The following FPGS variants were observed in gnomAD, a reference collection of about 807,000 sequenced individuals.
The protein encoded by FPGS is folylpolyglutamate synthase, also known as folylpolyglutamate synthase, mitochondrial.
FPGS carries 53 observed loss-of-function variants against 66.5 expected under a neutral mutation model. The observed-to-expected ratio is 0.80, with a 90% CI of 0.64 to 1.00. The LOEUF (loss-of-function observed/expected upper bound fraction) is 1.00. Among genes scored for constraint, FPGS ranks in the 50% least tolerant of loss-of-function variants. FPGS has a pLI of 0.00. For synonymous variants in FPGS, 348 were observed against 350.9 expected (o/e 0.99, Z 0.09); for missense variants, 702 against 807.7 (o/e 0.87, Z 1.59).
chr9:127,814,369 G>A (rs562404061), downstream of FPGS: 153 of 168,008 alleles, frequency 9.1e-4, no homozygotes, highest in Non-Finnish European at 1.5e-3. Context: ...CATGGAGGCC[G>A]GGCACGGTGG....
Position 127,807,247 on chromosome 9 carries a change from C to T in FPGS, c.540C>T (p.Phe180=). 1 of 1,614,176 alleles carries T rather than the reference C, an allele frequency of 6.2e-7. No individual in the cohort carries two copies. Among genetic ancestry groups the T allele is most frequent in the Non-Finnish European group, 8.5e-7 (1 of 1,180,024 alleles). Residue 180 remains phenylalanine (F), a synonymous_variant, in exon 6 of 15, where the codon TTC becomes TTT. Coordinates refer to ENST00000373247, the MANE Select transcript of FPGS (RefSeq NM_004957.6). This position sits in a 1 kb window ranked among gnomAD's most constrained non-coding sequence, Gnocchi z 5.8. ...TCTCCATGCCCCCCTACTTCCGCTTCCTGACACTCATGGCCTTCCACGTCT... is the reference window on the plus strand; with the variant it reads ...TCTCCATGCCCCCCTACTTCCGCTTTCTGACACTCATGGCCTTCCACGTCT... ...SCVSMPPYFR[F]LTLMAFHVFL...
intron 13 of FPGS, among the ~76,000 whole-genome samples, 189 bp from the exon 14 acceptor site, chr9:127,810,756 C>T (rs1047453998): frequency 6.6e-6 from 1 of 152,134 alleles, no homozygotes; most frequent in Non-Finnish European, 1.5e-5. Flanking sequence ...CTGCTCAGGC[C>T]ACAGGCCAGG....
Position 127,810,807 on chromosome 9 carries a change from C to T in FPGS, c.1288-138C>T, listed in dbSNP as rs566742551. ...CAGATGGGGGCAGGGTGCTGAAGTA[C>T]CTTGGCTAGGTTTATACAGCATCAT... On this transcript the variant is annotated intron_variant, in intron 13 of 14. Coordinates refer to ENST00000373247, the MANE Select transcript of FPGS (RefSeq NM_004957.6). 405 of 547,432 alleles carry T rather than the reference C, an allele frequency of 7.4e-4. 6 individuals are homozygous for T. Among genetic ancestry groups the T allele is most frequent in the South Asian group, 5.6e-3 (231 of 40,896 alleles). The allele number at this position is 547,432 out of a possible 1,614,324, so 33.9% of individuals were successfully genotyped here.
intron 1 of FPGS, 178 bp downstream of exon 1, chr9:127,803,240 C>G (rs1588548411): frequency 1.6e-6 from 2 of 1,246,014 alleles, no homozygotes; most frequent in Non-Finnish European, 2.0e-6. Context: ...GAAGTTGGGC[C>G]CGGGCCGCCG....
Position 127,804,665 on chromosome 9 carries a change from C to T in FPGS, c.351C>T (p.Ile117=). Reference sequence around the variant, plus strand: ...CCACCTGTGCCTTCACGGAATGTATCCTCCGAAGCTATGGCCTGAAGACGG... The same window carrying T: ...CCACCTGTGCCTTCACGGAATGTATTCTCCGAAGCTATGGCCTGAAGACGG... ...KGSTCAFTEC[I]LRSYGLKTGF... The change falls in exon 4 of 15, where the codon ATC becomes ATT. Residue 117 remains isoleucine (I), a synonymous_variant. Coordinates refer to ENST00000373247, the MANE Select transcript of FPGS (RefSeq NM_004957.6). 4 of 1,614,042 alleles carry T rather than the reference C, an allele frequency of 2.5e-6. No homozygotes were observed. Among genetic ancestry groups the T allele is most frequent in the Non-Finnish European group, 1.7e-6 (2 of 1,180,002 alleles).
In FPGS at chr9:127,807,896, C is replaced by T. The variant is rs146228124; in HGVS notation, c.744+208C>T. ...CGAGGTGAGAGGATCACCTGAGATC[C>T]GGAGTTTGAGACCAGCCTGACCAAT... On this transcript the variant is annotated intron_variant, in intron 8 of 14. Coordinates refer to ENST00000373247, the MANE Select transcript of FPGS (RefSeq NM_004957.6). This position sits in a 1 kb window ranked among gnomAD's most constrained non-coding sequence, Gnocchi z 5.8. The T allele has an allele frequency of 2.4e-3, 1,382 of 572,410 alleles. 30 individuals carry two copies. In the East Asian group the frequency reaches 0.038, roughly 16 times the overall value. The allele number at this position is 572,410 out of a possible 1,614,324, so 35.5% of individuals were successfully genotyped here.
intron 11 of FPGS, 61 bp downstream of exon 11, chr9:127,808,950 T>C: frequency 1.8e-6 from 2 of 1,139,322 alleles, no homozygotes; most frequent in Non-Finnish European, 2.4e-6. Flanking sequence ...CTTCAGATTT[T>C]TTTTTTTTTT....
intron 4 of FPGS, chr9:127,806,599 C>T: frequency 4.2e-6 from 1 of 235,830 alleles, no homozygotes. Context: ...CCCAGGGCTG[C>T]AGCTTGAACA....
rs1358972555 is a variant in FPGS, at chr9:127,802,993, G to T, written c.69G>T (p.Thr23=). The T allele has an allele frequency of 6.8e-7, 1 of 1,465,078 alleles. No individual in the cohort carries two copies. Among genetic ancestry groups the T allele is most frequent in the Non-Finnish European group, 8.9e-7 (1 of 1,117,380 alleles). The allele number at this position is 1,465,078 out of a possible 1,614,324, so 90.8% of individuals were successfully genotyped here. Residue 23 remains threonine (T), a synonymous_variant, in exon 1 of 15, where the codon ACG becomes ACT. Coordinates refer to ENST00000373247, the MANE Select transcript of FPGS (RefSeq NM_004957.6). ...FLAAASARGI[T]TQVAARRGLS... ...CAGCGGCGTCTGCGCGCGGCATAACGACCCAGGTCGCGGCGCGGCGGGGCT... is the reference window on the plus strand; with the variant it reads ...CAGCGGCGTCTGCGCGCGGCATAACTACCCAGGTCGCGGCGCGGCGGGGCT...
At chr9:127,803,634 A>T (rs773064919) in intron 1 of FPGS, among the ~76,000 whole-genome samples, 2 of 152,080 alleles carry the variant, frequency 1.3e-5, no homozygotes, top group Non-Finnish European at 2.9e-5. Context: ...GGCGGGTGGC[A>T]CTGGTTTGAT....
At chr9:127,809,003 G>A (rs1249218920) in intron 11 of FPGS, 114 bp downstream of exon 11, 15 of 812,708 alleles carry the variant, frequency 1.8e-5, no homozygotes, top group Middle Eastern at 2.9e-4. Context: ...AATTTGAAGT[G>A]GTGCTTAAGA....
chr9:127,811,745 C>CG (rs1164155391), intron 14 of FPGS, among the ~76,000 whole-genome samples: 3 of 152,056 alleles, frequency 2.0e-5, no homozygotes, highest in Non-Finnish European at 4.4e-5. Context: ...CTCAGCCTCC[C>CG]AAAGTGCTGG....
Position 127,807,529 on chromosome 9 carries a change from C to T in FPGS, c.641+47C>T. 6.2e-7 allele frequency: 1 copy of T among 1,612,652 alleles called. No individual in the cohort carries two copies. Among genetic ancestry groups the T allele is most frequent in the Non-Finnish European group, 8.5e-7 (1 of 1,178,956 alleles). ...GAGGGGTGGCAGCCAGGAGCACAGCCTCACCTGCCGCCTGGTGGCTCAGGG... is the reference window on the plus strand; with the variant it reads ...GAGGGGTGGCAGCCAGGAGCACAGCTTCACCTGCCGCCTGGTGGCTCAGGG... On this transcript the variant is annotated intron_variant, in intron 7 of 14. Transcript: ENST00000373247. This position sits in a 1 kb window ranked among gnomAD's most constrained non-coding sequence, Gnocchi z 5.8.
chr9:127,806,827 A>G, intron 4 of FPGS, 146 bp from the exon 5 acceptor site: 1 of 641,226 alleles, frequency 1.6e-6, no homozygotes, highest in South Asian at 1.8e-5. Flanking sequence ...GGGGCTACAG[A>G]TAGTCCGGGG....
chr9:127,802,905 C>T lies in FPGS; in HGVS notation c.-20C>T. On this transcript the variant is annotated 5_prime_UTR_variant, in exon 1 of 15. Coordinates refer to ENST00000373247, the MANE Select transcript of FPGS (RefSeq NM_004957.6). The stretch of plus-strand genomic sequence containing the variant: ...GCGTCTCCCGCCCGGGCCTAGAGCG[C>T]TGCCGGGGGCGCCGGGACTATGTCG... 2.2e-6 allele frequency: 3 copies of T among 1,353,410 alleles called. No homozygotes were observed. The highest frequency in any genetic ancestry group is 2.8e-6 in the Non-Finnish European group (3 of 1,059,156). 83.8% of individuals were successfully genotyped at this position (1,353,410 alleles called of 1,614,324 possible). A position where few individuals can be genotyped will look rare whatever the true frequency, so the allele number is the denominator to read the frequency against.
intron 1 of FPGS, 64 bp downstream of exon 1, chr9:127,803,126 G>C: frequency 7.8e-7 from 1 of 1,280,564 alleles, no homozygotes; most frequent in Non-Finnish European, 9.9e-7. Flanking sequence ...GCGCTGAGCC[G>C]CAGAACATCC....
chr9:127,805,759 T>C (rs1804798549), intron 4 of FPGS, among the ~76,000 whole-genome samples: 1 of 152,214 alleles, frequency 6.6e-6, no homozygotes, highest in African/African-American at 2.4e-5. Flanking sequence ...TAAGGTCTCC[T>C]AGGCGGGCTG....
Position 127,809,707 on chromosome 9 carries a change from G to A in FPGS, c.1084G>A (p.Gly362Ser). ...AGGGCTTCGGAACACGGAGTGGCCGGGCCGGACGCAGGTGCTGCGGCGCGG... is the reference window on the plus strand; with the variant it reads ...AGGGCTTCGGAACACGGAGTGGCCGAGCCGGACGCAGGTGCTGCGGCGCGG... ...RLGLRNTEWP[G>S]RTQVLRRGPL... is the part of the protein sequence containing the mutation. The change falls in exon 12 of 15, where the codon GGC (glycine) becomes AGC (serine). Residue 362 changes from glycine to serine, a missense_variant. Gly to Ser is a moderately conservative substitution (Grantham distance 56). This residue lies in a region of FPGS where 351 missense variants were observed against 363.7 expected (regional missense o/e 0.97). Coordinates refer to ENST00000373247, the MANE Select transcript of FPGS (RefSeq NM_004957.6). 1.3e-6 allele frequency: 2 copies of A among 1,588,828 alleles called. No homozygotes were observed. The highest frequency in any genetic ancestry group is 1.7e-5 in the Admixed American group (1 of 58,424).
rs199794996 is a variant in FPGS at position 127,808,704 on chromosome 9, T to C, written c.969T>C (p.His323=). The C allele has an allele frequency of 1.1e-4, 173 of 1,583,680 alleles. 1 individual carries two copies. The African/African-American group carries it at 1.8e-3, about 16-fold the overall frequency. The stretch of plus-strand genomic sequence containing the variant: ...GCTGGCTGCAGCGGCAGGACCGCCA[T>C]GGTGAGTGGGCAGCTGAGTGGGCAG... The part of the protein sequence containing the change: ...AHCWLQRQDR[H]GAGEPKASRP... Residue 323 remains histidine (H), a splice_region_variant and synonymous_variant, in exon 10 of 15, where the codon CAT becomes CAC. Transcript: ENST00000373247.
Sources: allele counts gnomAD v4.1 joint callset (sites outside exome capture counted in the v4.1 genomes callset), GRCh38; gene constraint gnomAD v4.1.1; regional missense constraint gnomAD v4.1.1; non-coding constraint Gnocchi (gnomAD v3.1); transcripts MANE v1.5; gene names NCBI Gene and HGNC (gene_info 2026-07-23, HGNC 2026-07-21).